Variants in ANXA4 observed in about 807,000 individuals in gnomAD.
The protein encoded by ANXA4 is annexin A4, also known as 35-beta calcimedin.
ANXA4 carries 39 observed loss-of-function variants against 49.8 expected under a neutral mutation model. The ratio of observed to expected loss-of-function variants is 0.78; its 90% CI spans 0.61 to 1.02. The LOEUF is 1.02. Ranked by LOEUF, ANXA4 falls within the 50% of genes least tolerant of loss-of-function variation. ANXA4 has a pLI of 0.00. For synonymous variants in ANXA4, 134 were observed against 152.5 expected (o/e 0.88, Z 0.89); for missense variants, 360 against 410.1 (o/e 0.88, Z 1.05).
intron 2 of ANXA4, among the ~76,000 whole-genome samples, chr2:69,680,501 T>C (rs1017757489): frequency 2.6e-5 from 4 of 152,232 alleles, no homozygotes; most frequent in African/African-American, 7.2e-5. Context: ...TATTTCTTCC[T>C]CTTGCCTGAT....
intron 2 of ANXA4, among the ~76,000 whole-genome samples, chr2:69,712,446 C>T (rs1678706850): frequency 6.6e-6 from 1 of 152,140 alleles, no homozygotes; most frequent in Non-Finnish European, 1.5e-5. Context: ...GGACCTGGGC[C>T]AAGGACTTTT....
chr2:69,679,645 T>C (rs1040246208), intron 2 of ANXA4, among the ~76,000 whole-genome samples: 11 of 152,198 alleles, frequency 7.2e-5, no homozygotes, highest in African/African-American at 2.7e-4. Context: ...GTAGGTCTTA[T>C]ATTTATGTCT....
intron 3 of ANXA4, among the ~76,000 whole-genome samples, chr2:69,731,835 G>A (rs1042439955): frequency 6.6e-6 from 1 of 152,096 alleles, no homozygotes; most frequent in Non-Finnish European, 1.5e-5. Context: ...GTCAAATAAG[G>A]TTTCTCTTTT....
intron 1 of ANXA4, among the ~76,000 whole-genome samples, chr2:69,765,858 C>T (rs139806644): frequency 6.6e-6 from 1 of 152,150 alleles, no homozygotes; most frequent in African/African-American, 2.4e-5. Context: ...GAGGGCCCTT[C>T]CTAGCAATGA....
intron 1 of ANXA4, among the ~76,000 whole-genome samples, chr2:69,647,388 TTTTATTTATTTATTTA>T (rs199943902): frequency 0.073 from 10,614 of 145,976 alleles, 1,118 homozygotes; most frequent in East Asian, 0.38. Context: ...TTTATTTTTA[TTTTATTTATTTATTTA>T]TTTATTTATT....
In ANXA4 at chr2:69,797,845, G is replaced by A. The variant is rs1474925269; in HGVS notation, c.98-6688G>A. 2.0e-5 allele frequency among the ~76,000 whole-genome samples: 3 copies of A among 152,332 alleles called. No homozygotes were observed. In the East Asian group the frequency reaches 5.8e-4, roughly 29 times the overall value. ...GTCTCTATTAGAGGGATGTAAAAGG[G>A]AGGAGAACTGAAAAGCCAGAGACTT... is the stretch of plus-strand genomic sequence containing the variant. On this transcript the variant is annotated intron_variant, in intron 3 of 12. Transcript: ENST00000394295.
intron 12 of ANXA4, among the ~76,000 whole-genome samples, chr2:69,822,605 G>C (rs1230429092): frequency 6.6e-6 from 1 of 152,112 alleles, no homozygotes; most frequent in Non-Finnish European, 1.5e-5. Flanking sequence ...AAAAAGGAAT[G>C]ACATTTTTGA....
In ANXA4 at chr2:69,820,758, C is replaced by CA. The variant is rs1558527760; in HGVS notation, c.844dup (p.Met282AsnfsTer23). 2.5e-6 allele frequency: 4 copies of CA among 1,614,082 alleles called. No homozygotes were observed. The East Asian group carries it at 8.9e-5, about 36-fold the overall frequency. On this transcript the variant is annotated frameshift_variant, in exon 12 of 13. Coordinates refer to ENST00000394295, the MANE Select transcript of ANXA4 (RefSeq NM_001153.5). LOFTEE classifies it high-confidence loss of function. ...TGATGGTTTCTCGAGCAGAAATTGA[C>CA]ATGTTGGATATCCGGGCACACTTCA...
intron 2 of ANXA4, among the ~76,000 whole-genome samples, chr2:69,695,685 C>G (rs1573112940): frequency 6.6e-6 from 1 of 152,226 alleles, no homozygotes; most frequent in East Asian, 1.9e-4. Flanking sequence ...AATCTCCAAC[C>G]AAACAGCAAT....
At chr2:69,702,984 CA>C (rs2105392577) in intron 2 of ANXA4, among the ~76,000 whole-genome samples, 1 of 152,222 alleles carries the variant, frequency 6.6e-6, no homozygotes, top group South Asian at 2.1e-4. Flanking sequence ...TTATTTTACT[CA>C]AAAACCATTC....
intron 2 of ANXA4, among the ~76,000 whole-genome samples, chr2:69,699,925 C>T (rs906966630): frequency 6.6e-6 from 1 of 152,134 alleles, no homozygotes; most frequent in African/African-American, 2.4e-5. Flanking sequence ...TTAGTCGCCC[C>T]AGCAGGAAGG....
intron 2 of ANXA4, among the ~76,000 whole-genome samples, chr2:69,718,465 A>G (rs1274778342): frequency 6.6e-6 from 1 of 152,212 alleles, no homozygotes; most frequent in Non-Finnish European, 1.5e-5. Flanking sequence ...TATTTCAGCT[A>G]CGTTTGGGAA....
At chr2:69,769,148 C>T (rs7565269) in intron 1 of ANXA4, among the ~76,000 whole-genome samples, 4,560 of 152,190 alleles carry the variant, frequency 0.03, 224 homozygotes, top group African/African-American at 0.1. Flanking sequence ...ATTTATAAAG[C>T]GTATTAGAAT....
chr2:69,740,857 T>TTTG (rs1324804820), upstream of ANXA4, among the ~76,000 whole-genome samples: 5 of 38,762 alleles, frequency 1.3e-4, no homozygotes, highest in African/African-American at 6.2e-4. Flanking sequence ...ATATATATGT[T>TTTG]TTTTTTTTTT....
intron 2 of ANXA4, among the ~76,000 whole-genome samples, chr2:69,698,121 A>T (rs1444544356): frequency 6.6e-6 from 1 of 152,168 alleles, no homozygotes; most frequent in South Asian, 2.1e-4. Flanking sequence ...TTTCTGGTTC[A>T]TAGTTGTTAT....
At chr2:69,646,941 G>A (rs923587114) in intron 1 of ANXA4, among the ~76,000 whole-genome samples, 1 of 152,164 alleles carries the variant, frequency 6.6e-6, no homozygotes, top group Admixed American at 6.5e-5. Flanking sequence ...GGTTCTGGCT[G>A]GTTTTCAGAG....
At chr2:69,770,612 T>C (rs1016209261) in intron 1 of ANXA4, among the ~76,000 whole-genome samples, 9 of 152,004 alleles carry the variant, frequency 5.9e-5, no homozygotes, top group African/African-American at 1.9e-4. Flanking sequence ...GAGCTTCAGT[T>C]ACCGGGGTGA....
chr2:69,819,437 G>T, intron 11 of ANXA4, 99 bp downstream of exon 11: 1 of 828,456 alleles, frequency 1.2e-6, no homozygotes. Context: ...TGCTCTGAAA[G>T]ATCCAATTCA....
At chr2:69,673,634 A>G (rs1355717716) in intron 2 of ANXA4, among the ~76,000 whole-genome samples, 1 of 151,532 alleles carries the variant, frequency 6.6e-6, no homozygotes, top group Non-Finnish European at 1.5e-5. Flanking sequence ...CTGCACATGT[A>G]CCCCAGAACT....
Sources: gnomAD v4.1 joint callset for allele counts (sites outside exome capture counted in the v4.1 genomes callset) on GRCh38, gnomAD v4.1.1 for gene constraint, MANE v1.5 for transcripts, NCBI Gene and HGNC (gene_info 2026-07-23, HGNC 2026-07-21) for gene names.